Variants in TOX3 observed in about 807,000 individuals in gnomAD.
TOX3 encodes the protein TOX high mobility group box family member 3, also known as CAG trinucleotide repeat-containing gene F9 protein.
In TOX3, 22 loss-of-function variants were observed where a neutral mutation model predicts 64.3. The observed-to-expected ratio is 0.34, with a 90% CI of 0.24 to 0.49. TOX3 has a LOEUF of 0.49. Ranked by LOEUF, TOX3 falls within the 20% of genes least tolerant of loss-of-function variation. The pLI is 0.99. For missense variants in TOX3, 661 were observed against 714.4 expected (o/e 0.93, Z 0.85); for synonymous variants, 291 against 273.6 (o/e 1.06, Z -0.63).
intron 4 of TOX3, among the ~76,000 whole-genome samples, chr16:52,448,979 A>G (rs968495936): frequency 7.2e-5 from 11 of 152,320 alleles, no homozygotes; most frequent in African/African-American, 2.6e-4. Flanking sequence ...CTAAAACCCA[A>G]TTTGTCTCTT....
At position 52,468,548 on chromosome 16, in the gene TOX3, A is replaced by G; in HGVS notation, c.114T>C (p.Asn38=). 1.9e-6 allele frequency: 3 copies of G among 1,612,808 alleles called. No individual in the cohort carries two copies. The highest frequency in any genetic ancestry group is 2.5e-6 in the Non-Finnish European group (3 of 1,179,166). ...SKFGNNNNYM[N]MAEANNAFFA... is the part of the protein sequence containing the mutation. ...AGAACGCATTGTTCGCCTCAGCCAT[A>G]TTCATATAGTTATTATTATTTCCAA... The change falls in exon 2 of 7, where the codon AAT becomes AAC. Residue 38 remains asparagine, a synonymous_variant. Transcript: ENST00000219746.
chr16:52,486,130 TG>T (rs1961524900), intron 1 of TOX3, among the ~76,000 whole-genome samples: 1 of 152,102 alleles, frequency 6.6e-6, no homozygotes. Context: ...TGGTGTTCAA[TG>T]AATGAGGCCC....
At chr16:52,538,950 A>G (rs1285054703) in intron 1 of TOX3, among the ~76,000 whole-genome samples, 1 of 152,092 alleles carries the variant, frequency 6.6e-6, no homozygotes, top group Non-Finnish European at 1.5e-5. Flanking sequence ...TACTCCTTAT[A>G]TTTTTAAACA....
intron 1 of TOX3, among the ~76,000 whole-genome samples, chr16:52,510,185 G>A (rs1962266109): frequency 6.6e-6 from 1 of 150,730 alleles, no homozygotes; most frequent in Admixed American, 6.6e-5. Context: ...AAGATAAAAG[G>A]CAAGGTGTTT....
Position 52,437,492 on chromosome 16 carries a change from G to A in TOX3, c.*1733C>T, listed in dbSNP as rs943196813. ...ATTTTATCATAAGCAGTTTAAGACT[G>A]TTGCCAGTGGTAATTTGCAATTTTT... is the stretch of plus-strand genomic sequence containing the variant. On this transcript the variant is annotated 3_prime_UTR_variant, in exon 7 of 7. Coordinates refer to ENST00000219746, the MANE Select transcript of TOX3 (RefSeq NM_001080430.4). 6.6e-6 allele frequency: 1 copy of A among 152,134 alleles called. No homozygotes were observed. The allele number at this position is 152,134 out of a possible 1,614,324, so 9.4% of individuals were successfully genotyped here.
rs1596761718 is a variant in TOX3, at chr16:52,436,493, A to T, written c.*2732T>A. The stretch of plus-strand genomic sequence containing the variant: ...ACCAAGTACTTACTTAAGTCTCAGG[A>T]ATAGAAACCAGTCATATGTATAAAC... On this transcript the variant is annotated 3_prime_UTR_variant, in exon 7 of 7. Coordinates refer to ENST00000219746, the MANE Select transcript of TOX3 (RefSeq NM_001080430.4). Among the ~76,000 whole-genome samples the T allele has an allele frequency of 6.6e-6, 1 of 152,186 alleles. No homozygotes were observed. Among genetic ancestry groups the T allele is most frequent in the East Asian group, 1.9e-4 (1 of 5,190 alleles).
chr16:52,470,117 G>A (rs1020581377), intron 1 of TOX3, among the ~76,000 whole-genome samples: 40 of 152,126 alleles, frequency 2.6e-4, no homozygotes, highest in African/African-American at 9.4e-4. Context: ...CTGCACATGG[G>A]CACACACACA....
intron 1 of TOX3, among the ~76,000 whole-genome samples, chr16:52,480,213 G>C (rs1430618728): frequency 1.3e-5 from 2 of 152,152 alleles, no homozygotes; most frequent in Non-Finnish European, 2.9e-5. Flanking sequence ...AAAGACACTT[G>C]TTACTAAGCC....
intron 1 of TOX3, among the ~76,000 whole-genome samples, chr16:52,530,628 G>T (rs983020766): frequency 6.6e-6 from 1 of 151,896 alleles, no homozygotes; most frequent in East Asian, 1.9e-4. Flanking sequence ...GAATGTAGGC[G>T]TGAGCCACCA....
intron 1 of TOX3, among the ~76,000 whole-genome samples, chr16:52,477,564 T>A (rs1389928087): frequency 6.6e-6 from 1 of 152,160 alleles, no homozygotes; most frequent in African/African-American, 2.4e-5. Context: ...GGAGTCAGAC[T>A]AACTTTGAAT....
intron 1 of TOX3, among the ~76,000 whole-genome samples, chr16:52,545,701 A>G (rs539418014): frequency 6.6e-6 from 1 of 152,146 alleles, no homozygotes; most frequent in Non-Finnish European, 1.5e-5. Context: ...GTTTCTCTGA[A>G]TCTCGCCCTC....
chr16:52,546,853 C>A lies in TOX3; in HGVS notation c.-130G>T. On this transcript the variant is annotated 5_prime_UTR_variant, in exon 1 of 7. Coordinates refer to ENST00000219746, the MANE Select transcript of TOX3 (RefSeq NM_001080430.4). ...CGCGTGGGACTCGCGGCCGGAGGGG[C>A]GCCGGGACCCAGAGCCCGAGGAGCT... 2 of 1,228,930 alleles carry A rather than the reference C, an allele frequency of 1.6e-6. No homozygotes were observed. 76.1% of individuals were successfully genotyped at this position (1,228,930 alleles called of 1,614,324 possible).
chr16:52,536,672 T>G lies in TOX3; in HGVS notation c.87+9965A>C, dbSNP rs1369897546. On this transcript the variant is annotated intron_variant, in intron 1 of 6. Coordinates refer to ENST00000219746, the MANE Select transcript of TOX3 (RefSeq NM_001080430.4). ...ATATATATATATATATATATATATA[T>G]ATATACATGTGTATATATAGAACAA... Among the ~76,000 whole-genome samples the G allele has an allele frequency of 1.1e-3, 108 of 99,860 alleles. No homozygotes were observed. In the Middle Eastern group the frequency reaches 0.021, roughly 19 times the overall value. The allele number at this position is 99,860 out of a possible 152,430, so 65.5% of individuals were successfully genotyped here.
At chr16:52,515,616 AC>A in intron 1 of TOX3, among the ~76,000 whole-genome samples, 1 of 152,370 alleles carries the variant, frequency 6.6e-6, no homozygotes, top group South Asian at 2.1e-4. Flanking sequence ...CCAGGTGCAA[AC>A]AAAAGTTCTG....
At chr16:52,524,898 C>T (rs1008263373) in intron 1 of TOX3, among the ~76,000 whole-genome samples, 3 of 152,116 alleles carry the variant, frequency 2.0e-5, no homozygotes, top group African/African-American at 7.2e-5. Flanking sequence ...GGCTCACCCA[C>T]CCCAGTGTTC....
intron 1 of TOX3, among the ~76,000 whole-genome samples, chr16:52,480,692 G>C (rs1391001706): frequency 6.6e-6 from 1 of 152,166 alleles, no homozygotes; most frequent in Non-Finnish European, 1.5e-5. Flanking sequence ...TTATGAGTTA[G>C]TGTGAATTCC....
chr16:52,475,621 T>G (rs544850802), intron 1 of TOX3: 13 of 152,316 alleles, frequency 8.5e-5, no homozygotes, highest in African/African-American at 3.1e-4. Context: ...CAACACAGAT[T>G]CTAGCCTGCA....
At chr16:52,457,824 A>T (rs1881754071) in intron 3 of TOX3, among the ~76,000 whole-genome samples, 2 of 152,182 alleles carry the variant, frequency 1.3e-5, no homozygotes, top group African/African-American at 4.8e-5. Flanking sequence ...TACTCATCAA[A>T]ATATCTGCAC....
intron 1 of TOX3, among the ~76,000 whole-genome samples, chr16:52,491,680 T>G (rs1376447643): frequency 1.3e-5 from 2 of 152,128 alleles, no homozygotes; most frequent in Non-Finnish European, 2.9e-5. Context: ...TTGCTCCCTC[T>G]TTTGTTCTCA....
Sources: gnomAD v4.1 joint callset for allele counts (sites outside exome capture counted in the v4.1 genomes callset) on GRCh38, gnomAD v4.1.1 for gene constraint, MANE v1.5 for transcripts, NCBI Gene and HGNC (gene_info 2026-07-23, HGNC 2026-07-21) for gene names.